The following DCAF5 variants were observed in gnomAD, a reference collection of about 807,000 sequenced individuals.
DCAF5 encodes DDB1- and CUL4-associated factor 5.
Under a neutral mutation model 80.7 loss-of-function variants are expected in DCAF5, and 9 were observed. The observed-to-expected ratio is 0.11, with a 90% CI of 0.07 to 0.19. The LOEUF is 0.19. Among genes scored for constraint, DCAF5 ranks in the 10% least tolerant of loss-of-function variants. DCAF5 has a pLI of 1.00. For missense variants in DCAF5, 842 were observed against 1,205.7 expected, an observed-to-expected ratio of 0.70 and a Z score of 4.47; for synonymous variants, 433 against 461.9, an observed-to-expected ratio of 0.94 and a Z score of 0.80.
At chr14:69,096,661 C>A (rs2139986859) in intron 5 of DCAF5, among the ~76,000 whole-genome samples, 1 of 152,212 alleles carries the variant, frequency 6.6e-6, no homozygotes, top group Admixed American at 6.5e-5. Context: ...AAAAGCCCCA[C>A]AGAACCAATC....
intron 7 of DCAF5, among the ~76,000 whole-genome samples, chr14:69,071,647 T>C (rs1314874193): frequency 2.0e-5 from 3 of 152,152 alleles, no homozygotes; most frequent in Non-Finnish European, 2.9e-5. Flanking sequence ...AATGAATGAA[T>C]GTGTACGCAC....
In DCAF5 at chr14:69,152,594, C is replaced by G; in HGVS notation, c.214+171G>C. ...TTTTTATAGAAGACATCCTCTCCTTCCCCTCCCCCTGCAATGGTTTTAATT... is the reference window on the plus strand; with the variant it reads ...TTTTTATAGAAGACATCCTCTCCTTGCCCTCCCCCTGCAATGGTTTTAATT... On this transcript the variant is annotated intron_variant, in intron 1 of 8. Coordinates refer to ENST00000341516, the MANE Select transcript of DCAF5 (RefSeq NM_003861.3). The surrounding 1 kb of genome is among the most constrained non-coding windows in gnomAD (Gnocchi z 4.1). 1 of 601,786 alleles carries G rather than the reference C, an allele frequency of 1.7e-6. No homozygotes were observed. The allele number at this position is 601,786 out of a possible 1,614,324, so 37.3% of individuals were successfully genotyped here.
rs553247041 is a variant in DCAF5 at position 69,074,620 on chromosome 14, T to C, written c.946+725A>G. Among the ~76,000 whole-genome samples the C allele has an allele frequency of 3.8e-3, 575 of 152,280 alleles. 6 individuals carry two copies. Among genetic ancestry groups the C allele is most frequent in the Middle Eastern group, 0.027 (8 of 294 alleles). On this transcript the variant is annotated intron_variant, in intron 7 of 8. Transcript: ENST00000341516. ...TCCATCAACAAAGAAAGCCTCCCTT[T>C]AGTTAACATGACCAGGGAGGACAAA...
chr14:69,100,835 C>T (rs2039927439), intron 5 of DCAF5, among the ~76,000 whole-genome samples: 1 of 152,012 alleles, frequency 6.6e-6, no homozygotes, highest in Non-Finnish European at 1.5e-5. Context: ...CTAAGAAGTC[C>T]CTATCTAAAA....
chr14:69,090,091 A>G (rs1019934381), intron 6 of DCAF5: 14 of 985,266 alleles, frequency 1.4e-5, no homozygotes, highest in African/African-American at 1.7e-5. Context: ...TATCACCTTC[A>G]CTGCATGCTC....
intron 5 of DCAF5, among the ~76,000 whole-genome samples, chr14:69,111,806 TTG>T (rs1345784890): frequency 6.6e-6 from 1 of 152,216 alleles, no homozygotes; most frequent in African/African-American, 2.4e-5. Flanking sequence ...CAATGTACAC[TTG>T]TAAGTGTGAA....
Position 69,152,443 on chromosome 14 carries a change from C to A in DCAF5, c.214+322G>T, listed in dbSNP as rs184373338. 7.6e-6 allele frequency: 2 copies of A among 262,994 alleles called. No homozygotes were observed. Among genetic ancestry groups the A allele is most frequent in the Admixed American group, 5.3e-5 (1 of 18,942 alleles). 16.3% of individuals were successfully genotyped at this position (262,994 alleles called of 1,614,324 possible). ...TAAAGTACGCGGAGGAAGAGTTTGC[C>A]GTCAAACTTTGTAGAGCGGTAACCT... On this transcript the variant is annotated intron_variant, in intron 1 of 8. Coordinates refer to ENST00000341516, the MANE Select transcript of DCAF5 (RefSeq NM_003861.3). The surrounding 1 kb of genome is among the most constrained non-coding windows in gnomAD (Gnocchi z 4.1).
chr14:69,069,934 T>C (rs1197880459), intron 7 of DCAF5, among the ~76,000 whole-genome samples: 3 of 152,174 alleles, frequency 2.0e-5, no homozygotes, highest in Non-Finnish European at 4.4e-5. Flanking sequence ...AAGGCTTTCT[T>C]AGTGAGGAAT....
chr14:69,150,698 C>A (rs4902693), intron 1 of DCAF5, among the ~76,000 whole-genome samples: 11,910 of 145,736 alleles, frequency 0.082, 1,355 homozygotes, highest in African/African-American at 0.26. Context: ...CTAGCCTGGG[C>A]AACATAGGGA....
chr14:69,057,384 C>CA (rs2038019338), intron 8 of DCAF5, among the ~76,000 whole-genome samples: 1 of 151,938 alleles, frequency 6.6e-6, no homozygotes, highest in South Asian at 2.1e-4. Flanking sequence ...AATTCTGAGC[C>CA]AAATCTCTCA....
intron 6 of DCAF5, chr14:69,084,885 C>T (rs561432983): frequency 1.2e-5 from 16 of 1,320,578 alleles, no homozygotes; most frequent in African/African-American, 4.3e-5. Context: ...TATGACCCTC[C>T]GGATGACCCT....
chr14:69,144,298 C>T (rs1013082986), intron 1 of DCAF5, among the ~76,000 whole-genome samples: 9 of 151,268 alleles, frequency 5.9e-5, no homozygotes, highest in Admixed American at 1.3e-4. Context: ...CAAGGCCAGG[C>T]GCGGTGGCTC....
intron 6 of DCAF5, among the ~76,000 whole-genome samples, chr14:69,088,368 T>C (rs887472756): frequency 6.6e-6 from 1 of 152,244 alleles, no homozygotes; most frequent in African/African-American, 2.4e-5. Context: ...TGATCTCTAA[T>C]AGCTCTATAA....
intron 7 of DCAF5, among the ~76,000 whole-genome samples, chr14:69,069,643 T>TTTA (rs2038606157): frequency 6.6e-6 from 1 of 152,068 alleles, no homozygotes; most frequent in Non-Finnish European, 1.5e-5. Context: ...CTTCTTTCTT[T>TTTA]TTATTATTAT....
chr14:69,107,362 T>C (rs779345250), intron 5 of DCAF5, among the ~76,000 whole-genome samples: 2 of 152,180 alleles, frequency 1.3e-5, no homozygotes, highest in Non-Finnish European at 2.9e-5. Context: ...ACTGCTTCCA[T>C]CTTGTAAGAC....
chr14:69,132,594 G>C (rs556543526), intron 1 of DCAF5, among the ~76,000 whole-genome samples: 4 of 152,084 alleles, frequency 2.6e-5, no homozygotes, highest in African/African-American at 9.6e-5. Flanking sequence ...ATATAAATTT[G>C]GGAAATTTCA....
At chr14:69,151,581 A>C (rs1320085242) in intron 1 of DCAF5, among the ~76,000 whole-genome samples, 1 of 152,114 alleles carries the variant, frequency 6.6e-6, no homozygotes, top group African/African-American at 2.4e-5. Context: ...AGGAACGCCC[A>C]ATCAGCCGTC....
intron 6 of DCAF5, among the ~76,000 whole-genome samples, chr14:69,087,842 C>T (rs2039394785): frequency 2.0e-5 from 3 of 152,144 alleles, no homozygotes; most frequent in Admixed American, 2.0e-4. Context: ...AACTTGTCTC[C>T]ATGAGTTAGT....
intron 5 of DCAF5, among the ~76,000 whole-genome samples, chr14:69,092,858 A>T (rs1035970676): frequency 6.6e-6 from 1 of 152,248 alleles, no homozygotes; most frequent in African/African-American, 2.4e-5. Flanking sequence ...GCTTTAAAAT[A>T]TACTTTGGTT....
Sources: allele counts gnomAD v4.1 joint callset (sites outside exome capture counted in the v4.1 genomes callset), GRCh38; gene constraint gnomAD v4.1.1; non-coding constraint Gnocchi (gnomAD v3.1); transcripts MANE v1.5; gene names NCBI Gene and HGNC (gene_info 2026-07-23, HGNC 2026-07-21).